The following NCAM1 variants were observed in gnomAD, a reference collection of about 807,000 sequenced individuals.
The protein encoded by NCAM1 is neural cell adhesion molecule 1, also known as antigen recognized by monoclonal antibody 5.1H11.
Under a neutral mutation model 109.8 loss-of-function variants are expected in NCAM1, and 14 were observed. That is an observed-to-expected ratio of 0.13 (90% CI 0.08 to 0.20). The LOEUF is 0.20. Among genes scored for constraint, NCAM1 ranks in the 10% least tolerant of loss-of-function variants. NCAM1 has a pLI of 1.00. For missense variants in NCAM1, 774 were observed against 1,109.9 expected (o/e 0.70, Z 4.30); for synonymous variants, 418 against 442.9 (o/e 0.94, Z 0.70).
At chr11:113,246,331 G>T (rs782213688) in intron 14 of NCAM1, 37 bp from the exon 15 acceptor site, 2 of 735,232 alleles carry the variant, frequency 2.7e-6, no homozygotes, top group South Asian at 1.4e-5. Flanking sequence ...CATGTGGCTT[G>T]CATGGTGCTG....
At chr11:113,046,529 A>G (rs1953272271) in intron 1 of NCAM1, among the ~76,000 whole-genome samples, 1 of 152,200 alleles carries the variant, frequency 6.6e-6, no homozygotes, top group Non-Finnish European at 1.5e-5. Flanking sequence ...GACTCTTTTC[A>G]ACAGGAGGGC....
intron 1 of NCAM1, among the ~76,000 whole-genome samples, chr11:113,013,728 T>G (rs538537428): frequency 3.9e-4 from 59 of 152,344 alleles, no homozygotes; most frequent in African/African-American, 1.3e-3. Flanking sequence ...CTGTGTGTTA[T>G]ATTAGCCAAG....
At chr11:113,256,851 G>A (rs1229732674) in intron 16 of NCAM1, among the ~76,000 whole-genome samples, 1 of 152,176 alleles carries the variant, frequency 6.6e-6, no homozygotes, top group Non-Finnish European at 1.5e-5. Context: ...CCTCTTGCTG[G>A]GGTTTCGTAG....
chr11:113,212,730 T>C (rs1373902529), intron 7 of NCAM1, among the ~76,000 whole-genome samples: 1 of 152,256 alleles, frequency 6.6e-6, no homozygotes, highest in African/African-American at 2.4e-5. Context: ...AACCTTTTTG[T>C]TTTTCATGTT....
chr11:113,268,148 A>C (rs114098580), intron 17 of NCAM1, among the ~76,000 whole-genome samples: 1,593 of 152,350 alleles, frequency 0.01, 30 homozygotes, highest in African/African-American at 0.037. Flanking sequence ...GGGATCCTGA[A>C]GACCAAGAAG....
chr11:113,210,775 A>AACACACAC (rs35387760), intron 7 of NCAM1, among the ~76,000 whole-genome samples: 9,500 of 130,842 alleles, frequency 0.073, 401 homozygotes, highest in Middle Eastern at 0.12. Flanking sequence ...CTTCATCACA[A>AACACACAC]ACACACACAC....
In NCAM1 at chr11:113,277,329, G is replaced by T. The variant is rs914683823; in HGVS notation, c.*1942G>T. 10 of 399,158 alleles carry T rather than the reference G, an allele frequency of 2.5e-5. 1 individual carries two copies. The South Asian group carries it at 1.1e-3, about 46-fold the overall frequency. 24.7% of individuals were successfully genotyped at this position (399,158 alleles called of 1,614,324 possible). Reference sequence around the variant, plus strand: ...GGTCTTGTCATTTGCTCAATGTGGGGTTATGTTGCATTTTCTCAGCTCCTG... The same window carrying T: ...GGTCTTGTCATTTGCTCAATGTGGGTTTATGTTGCATTTTCTCAGCTCCTG... On this transcript the variant is annotated 3_prime_UTR_variant, in exon 20 of 20. Coordinates refer to ENST00000316851, the MANE Select transcript of NCAM1 (RefSeq NM_181351.5).
chr11:112,978,226 A>G (rs1359886089), intron 1 of NCAM1, among the ~76,000 whole-genome samples: 1 of 144,796 alleles, frequency 6.9e-6, no homozygotes, highest in Non-Finnish European at 1.5e-5. Flanking sequence ...AGAGTTAAAC[A>G]TGAACCAAAA....
intron 1 of NCAM1, among the ~76,000 whole-genome samples, chr11:113,023,130 C>G (rs1363643817): frequency 1.3e-5 from 2 of 152,178 alleles, no homozygotes; most frequent in African/African-American, 4.8e-5. Flanking sequence ...CTGCTAGATA[C>G]TATACTGTTT....
intron 1 of NCAM1, among the ~76,000 whole-genome samples, chr11:113,031,665 C>G (rs1555078359): frequency 6.7e-6 from 1 of 150,358 alleles, no homozygotes; most frequent in East Asian, 2.0e-4. Context: ...GCACTTCAGC[C>G]TGGGCAAAGT....
chr11:112,971,226 TTCTCTCTCTC>T (rs137914370), intron 1 of NCAM1, among the ~76,000 whole-genome samples: 1 of 149,290 alleles, frequency 6.7e-6, no homozygotes, highest in African/African-American at 2.5e-5. Flanking sequence ...GTACTTCAAT[TTCTCTCTCTC>T]TCTCTCTCTG....
intron 14 of NCAM1, chr11:113,242,706 AC>A: frequency 9.8e-7 from 1 of 1,015,852 alleles, no homozygotes; most frequent in South Asian, 1.3e-5. Context: ...TATAATATAT[AC>A]TCACCCATGT....
At chr11:113,272,020 C>A in intron 19 of NCAM1, 144 bp downstream of exon 19, 1 of 586,644 alleles carries the variant, frequency 1.7e-6, no homozygotes, top group East Asian at 3.0e-5. Context: ...GCCACAAGAC[C>A]TGCTTGGCTG....
intron 14 of NCAM1, among the ~76,000 whole-genome samples, chr11:113,237,704 A>G (rs954806824): frequency 2.0e-5 from 3 of 152,130 alleles, no homozygotes; most frequent in African/African-American, 4.8e-5. Flanking sequence ...GCTTAGTTAC[A>G]TTAAAGAGAG....
At chr11:112,971,965 G>A (rs1950895193) in intron 1 of NCAM1, among the ~76,000 whole-genome samples, 2 of 152,106 alleles carry the variant, frequency 1.3e-5, no homozygotes, top group African/African-American at 4.8e-5. Context: ...AATGACTTTG[G>A]ATAAGGATAA....
chr11:113,022,733 G>T (rs1952428289), intron 1 of NCAM1, among the ~76,000 whole-genome samples: 1 of 152,158 alleles, frequency 6.6e-6, no homozygotes, highest in African/African-American at 2.4e-5. Context: ...TAGGTAGGTA[G>T]GTAGTCCAGG....
chr11:113,075,356 T>G (rs1157884516), intron 1 of NCAM1, among the ~76,000 whole-genome samples: 1 of 152,150 alleles, frequency 6.6e-6, no homozygotes, highest in Admixed American at 6.5e-5. Flanking sequence ...AGGTGTGAAC[T>G]ACTGCACCTG....
chr11:113,141,219 C>G (rs1941806805), intron 1 of NCAM1, among the ~76,000 whole-genome samples: 2 of 152,194 alleles, frequency 1.3e-5, no homozygotes, highest in African/African-American at 4.8e-5. Context: ...AGAGAAGGCC[C>G]TCCAGTCCTC....
intron 4 of NCAM1, 72 bp from the exon 5 acceptor site, chr11:113,205,971 A>G: frequency 1.3e-6 from 2 of 1,576,266 alleles, no homozygotes; most frequent in Non-Finnish European, 1.7e-6. Flanking sequence ...GAAAAAGGAA[A>G]GAGACTCAGC....
Sources: gnomAD v4.1 joint callset for allele counts (sites outside exome capture counted in the v4.1 genomes callset) on GRCh38, gnomAD v4.1.1 for gene constraint, MANE v1.5 for transcripts, NCBI Gene and HGNC (gene_info 2026-07-23, HGNC 2026-07-21) for gene names.